The following EFR3B variants were observed in gnomAD, a reference collection of about 807,000 sequenced individuals.
EFR3B encodes the protein protein EFR3 homolog B.
In EFR3B, 64 loss-of-function variants were observed where a neutral mutation model predicts 104.7. That is an observed-to-expected ratio of 0.61 (90% confidence interval 0.50 to 0.75). The LOEUF is 0.75. Ranked by LOEUF, EFR3B falls within the 30% of genes least tolerant of loss-of-function variation. EFR3B has a pLI of 0.00. For synonymous variants in EFR3B, 385 were observed against 417.9 expected, an observed-to-expected ratio of 0.92 and a Z score of 0.96; for missense variants, 750 against 1,078.5, an observed-to-expected ratio of 0.70 and a Z score of 4.27.
intron 1 of EFR3B, among the ~76,000 whole-genome samples, chr2:25,085,080 T>C (rs1668912746): frequency 6.6e-6 from 1 of 152,250 alleles, no homozygotes; most frequent in Non-Finnish European, 1.5e-5. Context: ...TTTTCACTGC[T>C]ATGAACCCTA....
At chr2:25,087,006 C>A (rs189990034) in intron 1 of EFR3B, among the ~76,000 whole-genome samples, 389 of 152,296 alleles carry the variant, frequency 2.6e-3, no homozygotes, top group Admixed American at 4.2e-3. Context: ...AAGGAAAGAG[C>A]TTTAATTGAC....
In EFR3B at chr2:25,114,053, C is replaced by G. The variant is rs931928619; in HGVS notation, c.364-7620C>G. ...TAAGAGGGAAAAGGGCTTACTCGCTCTAAAACCGGAGAGTCCCAACCTCAT... is the reference window on the plus strand; with the variant it reads ...TAAGAGGGAAAAGGGCTTACTCGCTGTAAAACCGGAGAGTCCCAACCTCAT... On this transcript the variant is annotated intron_variant, in intron 4 of 22. Coordinates refer to ENST00000403714, the MANE Select transcript of EFR3B (RefSeq NM_014971.2). The surrounding 1 kb of genome is among the most constrained non-coding windows in gnomAD (Gnocchi z 4.0). Among the ~76,000 whole-genome samples, 4 of 152,220 alleles carry G rather than the reference C, an allele frequency of 2.6e-5. No homozygotes were observed. Among genetic ancestry groups the G allele is most frequent in the African/African-American group, 9.6e-5 (4 of 41,466 alleles).
intron 6 of EFR3B, among the ~76,000 whole-genome samples, 175 bp from the exon 7 acceptor site, chr2:25,129,800 G>A (rs1670278726): frequency 2.0e-5 from 3 of 152,124 alleles, no homozygotes; most frequent in Admixed American, 2.0e-4. Context: ...CCCCAGTGGG[G>A]GCTTCTTTAC....
At position 25,131,298 on chromosome 2, in the gene EFR3B, A is replaced by C; in HGVS notation, c.850-70A>C. 1 of 1,516,678 alleles carries C rather than the reference A, an allele frequency of 6.6e-7. No individual in the cohort carries two copies. The allele number at this position is 1,516,678 out of a possible 1,614,324, so 94.0% of individuals were successfully genotyped here. ...TAGTTTACCCCCGCCTTTGGGTGCC[A>C]GGAGAGGGCTGCGCAGCCCAGGGAC... On this transcript the variant is annotated intron_variant, in intron 8 of 22. Coordinates refer to ENST00000403714, the MANE Select transcript of EFR3B (RefSeq NM_014971.2). This position sits in a 1 kb window ranked among gnomAD's most constrained non-coding sequence, Gnocchi z 7.6.
rs1668830481 is a variant in EFR3B at position 25,082,281 on chromosome 2, G to A, written c.8-9044G>A. Among the ~76,000 whole-genome samples, 3 of 152,344 alleles carry A rather than the reference G, an allele frequency of 2.0e-5. No homozygotes were observed. In the South Asian group the frequency reaches 6.2e-4, roughly 32 times the overall value. ...AGCCAGGATTGCGGCCACAGGCCAA[G>A]CCAGGAGCCAGCTAAGGGGGTTGGG... On this transcript the variant is annotated intron_variant, in intron 1 of 22. Coordinates refer to ENST00000403714, the MANE Select transcript of EFR3B (RefSeq NM_014971.2).
rs1034346702 is a variant in EFR3B at position 25,156,290 on chromosome 2, GTTTTTTTTTTTTTTT to G, written c.*1961_*1975del. 2 of 71,752 alleles carry G rather than the reference GTTTTTTTTTTTTTTT, an allele frequency of 2.8e-5. No individual in the cohort carries two copies. Among genetic ancestry groups the G allele is most frequent in the African/African-American group, 1.1e-4 (2 of 17,866 alleles). 4.4% of individuals were successfully genotyped at this position (71,752 alleles called of 1,614,324 possible). A position where few individuals can be genotyped will look rare whatever the true frequency, so the allele number is the denominator to read the frequency against. ...TGTGGGCACACAGCTTCTTTTTCTTGTTTTTTTTTTTTTTTTTTTTTTTTTGAGACACCGTCTCGC... is the reference window on the plus strand; with the variant it reads ...TGTGGGCACACAGCTTCTTTTTCTTGTTTTTTTTTTGAGACACCGTCTCGC... On this transcript the variant is annotated 3_prime_UTR_variant, in exon 23 of 23. Coordinates refer to ENST00000403714, the MANE Select transcript of EFR3B (RefSeq NM_014971.2).
At chr2:25,049,652 A>G (rs1339616607) in intron 1 of EFR3B, among the ~76,000 whole-genome samples, 1 of 152,198 alleles carries the variant, frequency 6.6e-6, no homozygotes, top group Non-Finnish European at 1.5e-5. Context: ...TTCAGAAACA[A>G]CAGCCCTTTC....
rs185361415 is a variant in EFR3B at position 25,120,993 on chromosome 2, C to T, written c.364-680C>T. ...CTCGGCTCACTACAACCTCCACCTC[C>T]CGGGTTCAAGCAATTCTCTTGCCTC... On this transcript the variant is annotated intron_variant, in intron 4 of 22. Coordinates refer to ENST00000403714, the MANE Select transcript of EFR3B (RefSeq NM_014971.2). 1.3e-5 allele frequency among the ~76,000 whole-genome samples: 2 copies of T among 151,328 alleles called. 1 individual carries two copies. Among genetic ancestry groups the T allele is most frequent in the Admixed American group, 1.3e-4 (2 of 15,228 alleles).
intron 4 of EFR3B, among the ~76,000 whole-genome samples, chr2:25,119,392 T>C (rs562486647): frequency 1.3e-5 from 2 of 152,320 alleles, no homozygotes; most frequent in Admixed American, 1.3e-4. Flanking sequence ...GGGAACATGC[T>C]GCCGGTGGCT....
chr2:25,095,966 G>A (rs554920080), intron 3 of EFR3B, among the ~76,000 whole-genome samples: 2 of 152,240 alleles, frequency 1.3e-5, no homozygotes, highest in African/African-American at 4.8e-5. Context: ...TGGAGCTGAG[G>A]GTTGGGTGGA....
At chr2:25,045,243 A>G (rs1459055779) in intron 1 of EFR3B, among the ~76,000 whole-genome samples, 2 of 152,078 alleles carry the variant, frequency 1.3e-5, no homozygotes, top group Non-Finnish European at 2.9e-5. Flanking sequence ...CAAGCCGCTG[A>G]GCCACTTCCC....
intron 6 of EFR3B, among the ~76,000 whole-genome samples, chr2:25,129,100 T>C (rs1670253242): frequency 6.6e-6 from 1 of 151,144 alleles, no homozygotes; most frequent in Non-Finnish European, 1.5e-5. Flanking sequence ...ACGTGCATGC[T>C]TGACCAGCCC....
chr2:25,132,821 G>C (rs867274694), intron 10 of EFR3B, 82 bp from the exon 11 acceptor site: 1 of 1,163,998 alleles, frequency 8.6e-7, no homozygotes, highest in Middle Eastern at 2.8e-4. Flanking sequence ...GGCAGCCCTC[G>C]CTCTCTGCAG....
intron 5 of EFR3B, among the ~76,000 whole-genome samples, chr2:25,125,820 C>T (rs538888961): frequency 2.1e-4 from 32 of 152,226 alleles, no homozygotes; most frequent in Admixed American, 1.2e-3. Context: ...TGGTGGCGGG[C>T]GCCTGTAGTC....
intron 19 of EFR3B, among the ~76,000 whole-genome samples, chr2:25,148,649 G>A (rs1439134586): frequency 2.0e-5 from 3 of 151,714 alleles, no homozygotes; most frequent in Admixed American, 1.3e-4. Context: ...CTGGCCGGGC[G>A]CGGTGGCTCA....
intron 1 of EFR3B, among the ~76,000 whole-genome samples, chr2:25,064,569 T>G (rs547465007): frequency 6.6e-6 from 1 of 152,198 alleles, no homozygotes; most frequent in African/African-American, 2.4e-5. Flanking sequence ...TAGATTCTAC[T>G]CGCTATGATG....
intron 19 of EFR3B, among the ~76,000 whole-genome samples, chr2:25,149,377 G>T (rs948599022): frequency 1.3e-5 from 2 of 152,120 alleles, no homozygotes; most frequent in Non-Finnish European, 2.9e-5. Flanking sequence ...TAAAATTGCA[G>T]TGTTTTCCTC....
intron 1 of EFR3B, among the ~76,000 whole-genome samples, chr2:25,049,351 AAGGGATATAGACT>A (rs1209607191): frequency 6.6e-6 from 1 of 152,066 alleles, no homozygotes; most frequent in African/African-American, 2.4e-5. Context: ...CTGTGTTTGG[AAGGGATATAGACT>A]AGGGATATAA....
chr2:25,046,506 CT>C (rs531667109), intron 1 of EFR3B, among the ~76,000 whole-genome samples: 68,607 of 118,922 alleles, frequency 0.58, 21,476 homozygotes, highest in South Asian at 0.78. Flanking sequence ...AGTACAAAGT[CT>C]TTTTTTTTTT....
Sources: allele counts gnomAD v4.1 joint callset (sites outside exome capture counted in the v4.1 genomes callset), GRCh38; gene constraint gnomAD v4.1.1; non-coding constraint Gnocchi (gnomAD v3.1); transcripts MANE v1.5; gene names NCBI Gene and HGNC (gene_info 2026-07-23, HGNC 2026-07-21).